Variants in INPPL1 observed in about 807,000 individuals in gnomAD.
INPPL1 encodes inositol polyphosphate phosphatase like 1.
In INPPL1, 91 loss-of-function variants were observed where a neutral mutation model predicts 139.3. The observed-to-expected ratio is 0.65, with a 90% CI of 0.55 to 0.78. The LOEUF (loss-of-function observed/expected upper bound fraction) is 0.78, where lower values mean the gene tolerates loss of function less well. Ranked by LOEUF, INPPL1 falls within the 30% of genes least tolerant of loss-of-function variation. The probability of loss-of-function intolerance (pLI) is 0.00; values close to 1 mark genes in which losing one functional copy is unlikely to be tolerated. For synonymous variants in INPPL1, 719 were observed against 686.6 expected, an observed-to-expected ratio of 1.05 and a Z score of -0.74; for missense variants, 1,411 against 1,665.6, an observed-to-expected ratio of 0.85 and a Z score of 2.66.
At position 72,228,370 on chromosome 11, in the gene INPPL1, G is replaced by A. The variant is rs762663532; in HGVS notation, c.269G>A (p.Arg90His). Residue 90 changes from arginine (R) to histidine (H), a missense_variant, in exon 3 of 28, where the codon CGC (arginine) becomes CAC (histidine). By Grantham distance (29) the Arg-to-His change is conservative (BLOSUM62 0). Transcript: ENST00000298229. The surrounding 1 kb of genome is among the most constrained non-coding windows in gnomAD (Gnocchi z 5.0). ...CAGACCTCGCAGGGTGTGCCTGTGC[G>A]CCGCTTCCAGACCCTGGGTGAGCTC... The part of the protein sequence containing the change: ...AVQTSQGVPV[R>H]RFQTLGELIG... The A allele has an allele frequency of 2.0e-5, 32 of 1,613,238 alleles. No individual in the cohort carries two copies. Among genetic ancestry groups the A allele is most frequent in the Non-Finnish European group, 2.4e-5 (28 of 1,179,968 alleles).
chr11:72,229,805 C>T, intron 7 of INPPL1, 53 bp downstream of exon 7: 5 of 1,572,628 alleles, frequency 3.2e-6, no homozygotes, highest in South Asian at 2.2e-5. Context: ...TGTCATTGGC[C>T]TAGCACTGAT....
intron 25 of INPPL1, 21 bp downstream of exon 25, chr11:72,236,007 C>G: frequency 7.0e-7 from 1 of 1,426,078 alleles, no homozygotes; most frequent in Non-Finnish European, 9.6e-7. Context: ...GAACCTGTCA[C>G]CGCCCCCCCT....
Position 72,230,458 on chromosome 11 carries a change from T to A in INPPL1, c.1187T>A (p.Val396Asp). The A allele has an allele frequency of 6.2e-7, 1 of 1,613,770 alleles. No individual in the cohort carries two copies. Among genetic ancestry groups the A allele is most frequent in the Non-Finnish European group, 8.5e-7 (1 of 1,180,012 alleles). The change falls in exon 10 of 28, where the codon GTC becomes GAC. Residue 396 changes from valine (V) to aspartate (D), a missense_variant. By Grantham distance (152) the Val-to-Asp change is radical. Transcript: ENST00000298229. ...ACTCAGCGCAAGGACTTCATCTTTG[T>A]CAGTGCCCGGGTGAGCAGCAGGCTG... ...DRTQRKDFIF[V>D]SARKREAFCQ...
At position 72,230,384 on chromosome 11, in the gene INPPL1, G is replaced by C; in HGVS notation, c.1113G>C (p.Gln371His). 1.2e-6 allele frequency: 2 copies of C among 1,614,130 alleles called. No individual in the cohort carries two copies. Among genetic ancestry groups the C allele is most frequent in the Non-Finnish European group, 1.7e-6 (2 of 1,180,046 alleles). Residue 371 changes from glutamine to histidine, a missense_variant, in exon 10 of 28, where the codon CAG (glutamine) becomes CAC (histidine). Transcript: ENST00000298229. ...TAGTCCGCCAGCTCATTAAGTCCCA[G>C]CGTGTCCAGAACAAGCTGGGTGTTG... ...HDRIRQLIKS[Q>H]RVQNKLGVVF...
At position 72,237,341 on chromosome 11, in the gene INPPL1, C is replaced by T. The variant is rs138023922; in HGVS notation, c.3097C>T (p.Arg1033Cys). The change falls in exon 26 of 28, where the codon CGT (arginine) becomes TGT (cysteine). Residue 1033 changes from arginine to cysteine, a missense_variant. By Grantham distance (180) the Arg-to-Cys change is radical. Coordinates refer to ENST00000298229, the MANE Select transcript of INPPL1 (RefSeq NM_001567.4). Reference sequence around the variant, plus strand: ...ACAGCTTGGGCACCACCGGCACCCTCGTGTGGGAGAGGGGAGTTCTTCAGA... The same window carrying T: ...ACAGCTTGGGCACCACCGGCACCCTTGTGTGGGAGAGGGGAGTTCTTCAGA... ...APQLGHHRHP[R>C]VGEGSSSDEE... 2.4e-5 allele frequency: 38 copies of T among 1,613,914 alleles called. No homozygotes were observed. Among genetic ancestry groups the T allele is most frequent in the South Asian group, 2.0e-4 (18 of 91,084 alleles).
At chr11:72,226,459 G>A (rs904526778) in intron 1 of INPPL1, among the ~76,000 whole-genome samples, 2 of 152,128 alleles carry the variant, frequency 1.3e-5, no homozygotes, top group African/African-American at 4.8e-5. Context: ...AGGATTACAG[G>A]TGGAGCCACC....
upstream of INPPL1, chr11:72,224,057 G>C (rs957643712): frequency 2.6e-5 from 4 of 152,354 alleles, no homozygotes; most frequent in Admixed American, 1.3e-4. Context: ...ACCCCCTCAA[G>C]GCCCGGCCTG....
At chr11:72,233,873 T>C (rs1948906993) in intron 19 of INPPL1, 129 bp downstream of exon 19, 2 of 737,934 alleles carry the variant, frequency 2.7e-6, no homozygotes, top group South Asian at 1.6e-5. Flanking sequence ...TGCAGGAGTG[T>C]TTCTCAAGGT....
At position 72,235,707 on chromosome 11, in the gene INPPL1, G is replaced by C. The variant is rs1263713277; in HGVS notation, c.2692G>C (p.Ala898Pro). Residue 898 changes from alanine to proline, a missense_variant, in exon 24 of 28, where the codon GCA becomes CCA. Ala to Pro is a conservative substitution (Grantham distance 27, BLOSUM62 -1). This residue lies in a region of INPPL1 where 99 missense variants were observed against 171.6 expected (regional missense o/e 0.58). Coordinates refer to ENST00000298229, the MANE Select transcript of INPPL1 (RefSeq NM_001567.4). This position sits in a 1 kb window ranked among gnomAD's most constrained non-coding sequence, Gnocchi z 4.9. ...CAGCATTGATAAGGATGAGGCAGGA[G>C]CAAAGAGCAAAGCCCCCTCTGTGTC... ...WISIDKDEAG[A>P]KSKAPSVSRG... 1 of 1,614,076 alleles carries C rather than the reference G, an allele frequency of 6.2e-7. No individual in the cohort carries two copies.
Position 72,232,047 on chromosome 11 carries a change from C to G in INPPL1, c.1616-193C>G, listed in dbSNP as rs139754625. 1.5e-3 allele frequency among the ~76,000 whole-genome samples: 221 copies of G among 152,282 alleles called. 2 individuals are homozygous for G. The highest frequency in any genetic ancestry group is 5.2e-3 in the African/African-American group (217 of 41,558). On this transcript the variant is annotated intron_variant, in intron 13 of 27. Transcript: ENST00000298229. Reference sequence around the variant, plus strand: ...TACAGACAGACTCAGGCCATCCACACAGACCATGTGTGCCCAATGAGGACC... The same window carrying G: ...TACAGACAGACTCAGGCCATCCACAGAGACCATGTGTGCCCAATGAGGACC...
chr11:72,235,854 G>A lies in INPPL1; in HGVS notation c.2747G>A (p.Ser916Asn). 1 of 1,612,520 alleles carries A rather than the reference G, an allele frequency of 6.2e-7. No homozygotes were observed. The highest frequency in any genetic ancestry group is 8.5e-7 in the Non-Finnish European group (1 of 1,179,318). Residue 916 changes from serine to asparagine, a missense_variant, in exon 25 of 28, where the codon AGC (serine) becomes AAC (asparagine). By Grantham distance (46) the Ser-to-Asn change is conservative (BLOSUM62 1). Around this residue, in one of 5 missense-constraint regions of INPPL1, gnomAD observed 99 missense variants for 171.6 expected, o/e 0.58. Coordinates refer to ENST00000298229, the MANE Select transcript of INPPL1 (RefSeq NM_001567.4). This position sits in a 1 kb window ranked among gnomAD's most constrained non-coding sequence, Gnocchi z 4.9. ...CTGTGCATCCCTGGCAGGTCAGGGAGCCGCAAGCCAGCCTTCACAGAGGCC... is the reference window on the plus strand; with the variant it reads ...CTGTGCATCCCTGGCAGGTCAGGGAACCGCAAGCCAGCCTTCACAGAGGCC... Reference protein sequence around the residue: ...SRGSQEPRSGSRKPAFTEASC... With the variant: ...SRGSQEPRSGNRKPAFTEASC...
Position 72,237,550 on chromosome 11 carries a change from C to A in INPPL1, c.3306C>A (p.Gly1102=). The change falls in exon 26 of 28, where the codon GGC becomes GGA. Residue 1102 remains glycine, a synonymous_variant. Transcript: ENST00000298229. ...ATCCAAGGCCTCCACTGCCCCCAGGCCCCTCACCAGCCAGCACTTTCCTGG... is the reference window on the plus strand; with the variant it reads ...ATCCAAGGCCTCCACTGCCCCCAGGACCCTCACCAGCCAGCACTTTCCTGG... ...KAHPRPPLPP[G]PSPASTFLGE... The A allele has an allele frequency of 6.2e-7, 1 of 1,600,806 alleles. No homozygotes were observed. Among genetic ancestry groups the A allele is most frequent in the South Asian group, 1.1e-5 (1 of 90,148 alleles).
In INPPL1 at chr11:72,229,126, C is replaced by T; in HGVS notation, c.555C>T (p.Tyr185=). 1 of 1,613,804 alleles carries T rather than the reference C, an allele frequency of 6.2e-7. No individual in the cohort carries two copies. The highest frequency in any genetic ancestry group is 8.5e-7 in the Non-Finnish European group (1 of 1,179,846). The change falls in exon 5 of 28, where the codon TAC becomes TAT. Residue 185 remains tyrosine, a synonymous_variant. Coordinates refer to ENST00000298229, the MANE Select transcript of INPPL1 (RefSeq NM_001567.4). The stretch of plus-strand genomic sequence containing the variant: ...GGCTGAGCACCGTCTCGCACGACTA[C>T]CTGAAAGGCAGCTATGGGCTGGACC... ...PNGLSTVSHD[Y]LKGSYGLDLE...
At position 72,234,760 on chromosome 11, in the gene INPPL1, T is replaced by C; in HGVS notation, c.2415+145T>C. On this transcript the variant is annotated intron_variant, in intron 21 of 27. Transcript: ENST00000298229. This position sits in a 1 kb window ranked among gnomAD's most constrained non-coding sequence, Gnocchi z 4.2. ...GTGTGTGTGTGTGTGTGTGTGTGTG[T>C]GTGTATGGGCATGGGCATGAGTGAG... 1 of 638,824 alleles carries C rather than the reference T, an allele frequency of 1.6e-6. No individual in the cohort carries two copies. The highest frequency in any genetic ancestry group is 2.7e-6 in the Non-Finnish European group (1 of 364,398). The allele number at this position is 638,824 out of a possible 1,614,324, so 39.6% of individuals were successfully genotyped here. A position where few individuals can be genotyped will look rare whatever the true frequency, so the allele number is the denominator to read the frequency against.
chr11:72,236,035 T>C, intron 25 of INPPL1, 49 bp downstream of exon 25: 1 of 966,242 alleles, frequency 1.0e-6, no homozygotes, highest in South Asian at 1.6e-5. Flanking sequence ...CCCACCTCTA[T>C]CCATCACTAT....
chr11:72,225,464 C>T, intron 1 of INPPL1: 1 of 985,384 alleles, frequency 1.0e-6, no homozygotes, highest in South Asian at 4.7e-5. Context: ...CTTCAGGCAT[C>T]CTCCAGGTAG....
At position 72,230,196 on chromosome 11, in the gene INPPL1, G is replaced by A; in HGVS notation, c.1015G>A (p.Glu339Lys). The change falls in exon 9 of 28, where the codon GAG (glutamate) becomes AAG (lysine). Residue 339 changes from glutamate to lysine, a missense_variant. By Grantham distance (56) the Glu-to-Lys change is moderately conservative. This residue lies in a region of INPPL1 where 504 missense variants were observed against 595.6 expected (regional missense o/e 0.85). Transcript: ENST00000298229. ...SQKFTLSVDV[E>K]GGRLVLLRRQ... ...GAAGTTCACGCTGAGCGTGGATGTG[G>A]AGGGTGGGCGGCTGGTGCTGCTGCG... 6.2e-7 allele frequency: 1 copy of A among 1,612,636 alleles called. No individual in the cohort carries two copies. The highest frequency in any genetic ancestry group is 8.5e-7 in the Non-Finnish European group (1 of 1,179,000).
rs1198857106 is a variant in INPPL1, at chr11:72,229,946, T to A, written c.866T>A (p.Met289Lys). 1.9e-6 allele frequency: 3 copies of A among 1,613,784 alleles called. No homozygotes were observed. The highest frequency in any genetic ancestry group is 1.3e-5 in the African/African-American group (1 of 74,920). The change falls in exon 8 of 28, where the codon ATG becomes AAG. Residue 289 changes from methionine to lysine, a missense_variant. Met to Lys is a moderately conservative substitution (Grantham distance 95). Around this residue, in one of 5 missense-constraint regions of INPPL1, gnomAD observed 504 missense variants for 595.6 expected, o/e 0.85. Transcript: ENST00000298229. ...CAGGCCCTGAAGGCCCTACAGGACATGAGCTCCACAGCACCCCCAGCTCCG... is the reference window on the plus strand; with the variant it reads ...CAGGCCCTGAAGGCCCTACAGGACAAGAGCTCCACAGCACCCCCAGCTCCG... ...QKKALKALQD[M>K]SSTAPPAPQP...
chr11:72,225,584 G>A (rs777102801), intron 1 of INPPL1: 11 of 961,118 alleles, frequency 1.1e-5, no homozygotes, highest in Non-Finnish European at 1.4e-5. Flanking sequence ...GACGGGGTGT[G>A]TGGGGATGCC....
Sources: allele counts gnomAD v4.1 joint callset (sites outside exome capture counted in the v4.1 genomes callset), GRCh38; gene constraint gnomAD v4.1.1; regional missense constraint gnomAD v4.1.1; non-coding constraint Gnocchi (gnomAD v3.1); transcripts MANE v1.5; gene names NCBI Gene and HGNC (gene_info 2026-07-23, HGNC 2026-07-21).